The following LUZP2 variants were observed in gnomAD, a reference collection of about 807,000 sequenced individuals.
LUZP2 encodes the protein leucine zipper protein 2.
LUZP2 carries 52 observed loss-of-function variants against 51.6 expected under a neutral mutation model. The ratio of observed to expected loss-of-function variants is 1.01; its 90% CI spans 0.81 to 1.27. LUZP2 has a LOEUF of 1.27. Among genes scored for constraint, LUZP2 ranks in the 50% most tolerant of loss-of-function variants. The pLI is 0.00. For missense variants in LUZP2, 436 were observed against 395.4 expected (o/e 1.10, Z -0.87); for synonymous variants, 154 against 137.3 (o/e 1.12, Z -0.85).
At chr11:24,980,061 T>A (rs1470303995) in intron 8 of LUZP2, among the ~76,000 whole-genome samples, 1 of 151,766 alleles carries the variant, frequency 6.6e-6, no homozygotes, top group Non-Finnish European at 1.5e-5. Context: ...TTTCCCGGGC[T>A]CTCTGAGCTG....
chr11:24,654,883 A>AT (rs1855754777), intron 1 of LUZP2, among the ~76,000 whole-genome samples: 1 of 151,274 alleles, frequency 6.6e-6, no homozygotes, highest in Admixed American at 6.6e-5. Context: ...TAGTGGAAAG[A>AT]TTTTTTCCAA....
At chr11:24,732,742 A>G (rs1425147844) in intron 3 of LUZP2, among the ~76,000 whole-genome samples, 1 of 151,728 alleles carries the variant, frequency 6.6e-6, no homozygotes, top group African/African-American at 2.4e-5. Context: ...TTCCAAGCCA[A>G]AAAAAGAAAA....
intron 9 of LUZP2, among the ~76,000 whole-genome samples, chr11:25,013,191 C>T (rs576586022): frequency 4.0e-5 from 6 of 151,744 alleles, no homozygotes; most frequent in Non-Finnish European, 8.8e-5. Flanking sequence ...GGAAGTAGAG[C>T]GTGGACAGAT....
At chr11:24,741,099 T>A (rs1163634297) in intron 4 of LUZP2, among the ~76,000 whole-genome samples, 1 of 152,104 alleles carries the variant, frequency 6.6e-6, no homozygotes, top group Non-Finnish European at 1.5e-5. Context: ...TACTTTAGGA[T>A]GTTCTATTTC....
intron 5 of LUZP2, among the ~76,000 whole-genome samples, chr11:24,815,914 C>A (rs1208283021): frequency 6.6e-6 from 1 of 151,488 alleles, no homozygotes; most frequent in Non-Finnish European, 1.5e-5. Flanking sequence ...TGCAATGGAG[C>A]ATGTGCTAGG....
chr11:25,070,898 C>A (rs1432009736), intron 10 of LUZP2, among the ~76,000 whole-genome samples: 1 of 151,422 alleles, frequency 6.6e-6, no homozygotes, highest in Non-Finnish European at 1.5e-5. Context: ...TATTGCCCTT[C>A]AGTTCACATC....
intron 1 of LUZP2, among the ~76,000 whole-genome samples, chr11:24,504,824 C>A (rs546034921): frequency 6.6e-6 from 1 of 152,090 alleles, no homozygotes; most frequent in Admixed American, 6.6e-5. Context: ...GGGGCCAGGG[C>A]AAGCGGGGAA....
chr11:24,824,092 G>A (rs770688581), intron 5 of LUZP2, among the ~76,000 whole-genome samples: 2 of 151,442 alleles, frequency 1.3e-5, no homozygotes, highest in African/African-American at 2.4e-5. Flanking sequence ...GGGTGGGTGT[G>A]GTGGCTTATG....
chr11:24,531,167 C>A (rs540964349), intron 1 of LUZP2, among the ~76,000 whole-genome samples: 1 of 150,336 alleles, frequency 6.7e-6, no homozygotes, highest in South Asian at 2.1e-4. Context: ...TGAAGGGCAA[C>A]ATTCACAATT....
chr11:24,916,951 C>T (rs1461921531), intron 7 of LUZP2, among the ~76,000 whole-genome samples: 2 of 152,178 alleles, frequency 1.3e-5, no homozygotes, highest in South Asian at 2.1e-4. Flanking sequence ...GTCCCATCAA[C>T]AGTGTTAAAG....
chr11:24,616,654 C>G (rs1407368810), intron 1 of LUZP2, among the ~76,000 whole-genome samples: 1 of 152,108 alleles, frequency 6.6e-6, no homozygotes, highest in African/African-American at 2.4e-5. Context: ...TGGTGTTGCA[C>G]AGATCGATGT....
intron 9 of LUZP2, among the ~76,000 whole-genome samples, chr11:24,993,864 T>TG (rs1281064731): frequency 7.4e-4 from 107 of 144,714 alleles, no homozygotes; most frequent in African/African-American, 2.1e-3. Context: ...TTCTTTTTTT[T>TG]GGGGGGGGTG....
intron 1 of LUZP2, among the ~76,000 whole-genome samples, chr11:24,584,490 C>T (rs141761228): frequency 2.2e-4 from 33 of 152,310 alleles, no homozygotes; most frequent in Non-Finnish European, 3.5e-4. Context: ...TGATCTATTG[C>T]TTCCCAAAGT....
chr11:24,717,373 C>T (rs1375504429), intron 1 of LUZP2, among the ~76,000 whole-genome samples: 1 of 150,290 alleles, frequency 6.7e-6, no homozygotes, highest in East Asian at 2.0e-4. Context: ...GTTTGTTGTA[C>T]AGATTATTTC....
In LUZP2 at chr11:24,703,620, C is replaced by T. The variant is rs182716973; in HGVS notation, c.63-25549C>T. Reference sequence around the variant, plus strand: ...GGTGGATCACCTGAGGTCAGGAGTTCGAGACCAGCCTGGCCAACATGGTGA... The same window carrying T: ...GGTGGATCACCTGAGGTCAGGAGTTTGAGACCAGCCTGGCCAACATGGTGA... On this transcript the variant is annotated intron_variant, in intron 1 of 11. Transcript: ENST00000336930. Among the ~76,000 whole-genome samples, 888 of 151,602 alleles carry T rather than the reference C, an allele frequency of 5.9e-3. 14 individuals are homozygous for T. Among genetic ancestry groups the T allele is most frequent in the African/African-American group, 0.019 (784 of 41,306 alleles).
intron 1 of LUZP2, among the ~76,000 whole-genome samples, chr11:24,704,959 T>C (rs12099323): frequency 0.13 from 19,080 of 152,156 alleles, 1,240 homozygotes; most frequent in Non-Finnish European, 0.16. Context: ...CATACATCTT[T>C]AGAATGAGCA....
At chr11:24,691,925 G>A (rs1286206484) in intron 1 of LUZP2, among the ~76,000 whole-genome samples, 2 of 151,946 alleles carry the variant, frequency 1.3e-5, no homozygotes, top group African/African-American at 2.4e-5. Context: ...GATTCATTTA[G>A]TAGATTCATG....
chr11:24,838,424 G>A, intron 5 of LUZP2, among the ~76,000 whole-genome samples: 1 of 151,550 alleles, frequency 6.6e-6, no homozygotes, highest in Non-Finnish European at 1.5e-5. Context: ...TTATAGATTA[G>A]CTGGTACATG....
intron 5 of LUZP2, among the ~76,000 whole-genome samples, chr11:24,767,396 A>G (rs932137714): frequency 6.6e-6 from 1 of 152,214 alleles, no homozygotes; most frequent in Admixed American, 6.5e-5. Context: ...GAAGTTGTTC[A>G]GGAGCTTCAC....
Sources: allele counts gnomAD v4.1 joint callset (sites outside exome capture counted in the v4.1 genomes callset), GRCh38; gene constraint gnomAD v4.1.1; transcripts MANE v1.5; gene names NCBI Gene and HGNC (gene_info 2026-07-23, HGNC 2026-07-21).